SULT1C2: variants seen among roughly 807,000 people sequenced by gnomAD.
The protein encoded by SULT1C2 is sulfotransferase 1C2.
SULT1C2 carries 27 observed loss-of-function variants against 36.0 expected under a neutral mutation model. The observed-to-expected ratio is 0.75, with a 90% CI of 0.55 to 1.03. SULT1C2 has a LOEUF of 1.03. Among genes scored for constraint, SULT1C2 ranks in the 50% least tolerant of loss-of-function variants. The pLI, the probability that SULT1C2 is intolerant of heterozygous loss-of-function variation, is 0.00. For synonymous variants in SULT1C2, 121 were observed against 116.0 expected (o/e 1.04, Z -0.27); for missense variants, 395 against 359.2 (o/e 1.10, Z -0.80).
At position 108,300,799 on chromosome 2, in the gene SULT1C2, T is replaced by C. The variant is rs551242116; in HGVS notation, c.278-39T>C. The stretch of plus-strand genomic sequence containing the variant: ...GGATCATGAGGTCCCCATGTAGTGC[T>C]TGTACTACGCAGATGTTTCCTCTTG... On this transcript the variant is annotated intron_variant, in intron 3 of 7. Transcript: ENST00000251481. 40 of 1,613,668 alleles carry C rather than the reference T, an allele frequency of 2.5e-5. 1 individual carries two copies. The South Asian group carries it at 4.2e-4, about 17-fold the overall frequency.
At position 108,293,687 on chromosome 2, in the gene SULT1C2, T is replaced by C; in HGVS notation, c.20T>C (p.Leu7Pro). The C allele has an allele frequency of 6.2e-7, 1 of 1,613,992 alleles. No homozygotes were observed. Among genetic ancestry groups the C allele is most frequent in the East Asian group, 2.2e-5 (1 of 44,880 alleles). The stretch of plus-strand genomic sequence containing the variant: ...GACACTATGGCCCTGACCTCAGACC[T>C]GGGGAAACAGATAAAACTGAAAGAG... MALTSD[L>P]GKQIKLKEVE... The change falls in exon 2 of 8, where the codon CTG becomes CCG. Residue 7 changes from leucine (L) to proline (P), a missense_variant. Physicochemically the swap from Leu to Pro is moderately conservative, Grantham distance 98. Transcript: ENST00000251481.
rs1219191047 is a variant in SULT1C2, at chr2:108,308,576, T to C, written c.*112T>C. ...AAGCATATTGTGAATGTATACAATG[T>C]AGTACAAACAATCTCTGTGATGATT... On this transcript the variant is annotated 3_prime_UTR_variant, in exon 8 of 8. Coordinates refer to ENST00000251481, the MANE Select transcript of SULT1C2 (RefSeq NM_001056.4). The C allele has an allele frequency of 4.9e-6, 4 of 819,330 alleles. No individual in the cohort carries two copies. Among genetic ancestry groups the C allele is most frequent in the Non-Finnish European group, 7.4e-6 (4 of 537,250 alleles). The allele number at this position is 819,330 out of a possible 1,614,324, so 50.8% of individuals were successfully genotyped here.
intron 1 of SULT1C2, among the ~76,000 whole-genome samples, chr2:108,292,883 G>T (rs531225763): frequency 2.0e-5 from 3 of 152,264 alleles, no homozygotes; most frequent in South Asian, 4.1e-4. Context: ...AGATGACTGG[G>T]TAAACAAAAT....
chr2:108,304,255 A>T (rs1347853009), intron 4 of SULT1C2: 1 of 201,358 alleles, frequency 5.0e-6, no homozygotes, highest in African/African-American at 2.3e-5. Context: ...ATACTGTGGA[A>T]GTCTCCTATT....
rs1352278459 is a variant in SULT1C2, at chr2:108,305,488, T to A, written c.671T>A (p.Ile224Asn). ...KKVDETVLDK[I>N]VQETSFEKMK... ...GTGGATGAAACAGTGCTAGATAAAA[T>A]TGTCCAGGAGACGTCATTTGAGAAA... is the stretch of plus-strand genomic sequence containing the variant. Residue 224 changes from isoleucine to asparagine, a missense_variant, in exon 7 of 8, where the codon ATT (isoleucine) becomes AAT (asparagine). Transcript: ENST00000251481. 3 of 1,614,026 alleles carry A rather than the reference T, an allele frequency of 1.9e-6. No homozygotes were observed. In the African/African-American group the frequency reaches 4.0e-5, roughly 22 times the overall value.
intron 1 of SULT1C2, 81 bp from the exon 2 acceptor site, chr2:108,293,566 C>A (rs1573243830): frequency 2.2e-6 from 3 of 1,363,672 alleles, no homozygotes; most frequent in East Asian, 2.3e-5. Flanking sequence ...GTACACCTAA[C>A]GATGGTTAAA....
At chr2:108,306,369 C>T (rs550501821) in intron 7 of SULT1C2, among the ~76,000 whole-genome samples, 1 of 152,200 alleles carries the variant, frequency 6.6e-6, no homozygotes, top group Non-Finnish European at 1.5e-5. Flanking sequence ...TTTTGGAAAG[C>T]TGAGGCATGA....
intron 3 of SULT1C2, chr2:108,299,771 C>T (rs935282059): frequency 2.0e-5 from 3 of 152,156 alleles, no homozygotes; most frequent in Admixed American, 6.5e-5. Flanking sequence ...AAACAGATAC[C>T]TGTACATCTA....
At chr2:108,297,698 G>C (rs1340219206) in intron 3 of SULT1C2, among the ~76,000 whole-genome samples, 1 of 152,160 alleles carries the variant, frequency 6.6e-6, no homozygotes, top group East Asian at 1.9e-4. Flanking sequence ...AGAGAGAGGT[G>C]GGGCGAGGGT....
intron 3 of SULT1C2, among the ~76,000 whole-genome samples, chr2:108,296,888 A>G (rs991626948): frequency 1.1e-4 from 16 of 152,292 alleles, no homozygotes; most frequent in African/African-American, 3.4e-4. Context: ...GAGTGGTCAG[A>G]CACTACTGGA....
intron 3 of SULT1C2, among the ~76,000 whole-genome samples, chr2:108,295,848 C>T (rs1034704594): frequency 6.6e-6 from 1 of 152,214 alleles, no homozygotes; most frequent in Non-Finnish European, 1.5e-5. Flanking sequence ...GGCTGGACTG[C>T]AGTGGTGCCA....
In SULT1C2 at chr2:108,305,562, T is replaced by C. The variant is rs1386013247; in HGVS notation, c.745T>C (p.Leu249=). The part of the protein sequence containing the change: ...TNRSTVSKSI[L]DQSISSFMRK... The stretch of plus-strand genomic sequence containing the variant: ...TCGTTCTACAGTTTCCAAATCTATC[T>C]TGGACCAGTCAATTTCCTCCTTCAT... The change falls in exon 7 of 8, where the codon TTG becomes CTG. Residue 249 remains leucine, a synonymous_variant. Transcript: ENST00000251481. 6.2e-7 allele frequency: 1 copy of C among 1,614,230 alleles called. No homozygotes were observed. Among genetic ancestry groups the C allele is most frequent in the Non-Finnish European group, 8.5e-7 (1 of 1,180,038 alleles).
intron 3 of SULT1C2, among the ~76,000 whole-genome samples, chr2:108,294,798 C>A (rs562773515): frequency 2.6e-5 from 4 of 151,932 alleles, no homozygotes; most frequent in South Asian, 2.1e-4. Flanking sequence ...ACACACACAC[C>A]CCATTGCATT....
intron 3 of SULT1C2, among the ~76,000 whole-genome samples, chr2:108,295,218 A>G (rs1676694560): frequency 6.6e-6 from 1 of 152,228 alleles, no homozygotes; most frequent in Admixed American, 6.5e-5. Flanking sequence ...GAATAGCCTT[A>G]AAGGATTTTG....
rs1389400507 is a variant in SULT1C2, at chr2:108,305,283, C to T, written c.597+17C>T. The T allele has an allele frequency of 6.2e-7, 1 of 1,613,900 alleles. No homozygotes were observed. Among genetic ancestry groups the T allele is most frequent in the Admixed American group, 1.7e-5 (1 of 59,984 alleles). ...ATAAAGAGGGTGAGTGAAGGCTCTGCAGAAGAACCATTTTAAAGTGGTTCT... is the reference window on the plus strand; with the variant it reads ...ATAAAGAGGGTGAGTGAAGGCTCTGTAGAAGAACCATTTTAAAGTGGTTCT... On this transcript the variant is annotated intron_variant, in intron 6 of 7. Transcript: ENST00000251481.
chr2:108,299,027 CCT>C (rs1676809167), intron 3 of SULT1C2: 1 of 153,004 alleles, frequency 6.5e-6, no homozygotes, highest in Non-Finnish European at 1.5e-5. Context: ...AATTACCTTA[CCT>C]CTCTTTGGCA....
chr2:108,293,179 CAAAAAAAA>C (rs397869118), intron 1 of SULT1C2, among the ~76,000 whole-genome samples: 5 of 54,078 alleles, frequency 9.2e-5, no homozygotes, highest in South Asian at 8.6e-4. Context: ...GACTCTGTCT[CAAAAAAAA>C]AAAAAAAAAA....
Position 108,298,731 on chromosome 2 carries a change from A to G in SULT1C2, c.278-2107A>G, listed in dbSNP as rs1399054412. The G allele has an allele frequency of 1.3e-5, 4 of 304,002 alleles. No homozygotes were observed. In the East Asian group the frequency reaches 6.1e-4, roughly 46 times the overall value. 18.8% of individuals were successfully genotyped at this position (304,002 alleles called of 1,614,324 possible). A position where few individuals can be genotyped will look rare whatever the true frequency, so the allele number is the denominator to read the frequency against. On this transcript the variant is annotated intron_variant, in intron 3 of 7. Transcript: ENST00000251481. ...TATTTATATTCTCTATTAGGTACCCAATAACTGAGGTCACTAGGGGTTTAG... is the reference window on the plus strand; with the variant it reads ...TATTTATATTCTCTATTAGGTACCCGATAACTGAGGTCACTAGGGGTTTAG...
chr2:108,295,578 C>A (rs1676704659), intron 3 of SULT1C2, among the ~76,000 whole-genome samples: 1 of 152,246 alleles, frequency 6.6e-6, no homozygotes, highest in East Asian at 1.9e-4. Context: ...ACAATGTTTA[C>A]ATAACCTCTC....
Sources: allele counts gnomAD v4.1 joint callset (sites outside exome capture counted in the v4.1 genomes callset), GRCh38; gene constraint gnomAD v4.1.1; transcripts MANE v1.5; gene names NCBI Gene and HGNC (gene_info 2026-07-23, HGNC 2026-07-21).